Variants in GRIK2 observed in about 807,000 individuals in gnomAD.
GRIK2 encodes glutamate receptor ionotropic, kainate 2.
GRIK2 carries 32 observed loss-of-function variants against 100.3 expected under a neutral mutation model. That is an observed-to-expected ratio of 0.32 (90% CI 0.24 to 0.43). The LOEUF (loss-of-function observed/expected upper bound fraction) is 0.43, where lower values mean the gene tolerates loss of function less well. Ranked by LOEUF, GRIK2 falls within the 20% of genes least tolerant of loss-of-function variation. The pLI, the probability that GRIK2 is intolerant of heterozygous loss-of-function variation, is 1.00. For missense variants in GRIK2, 843 were observed against 1,114.9 expected (o/e 0.76, Z 3.47); for synonymous variants, 417 against 389.4 (o/e 1.07, Z -0.83).
chr6:101,464,473 A>G (rs1771508259), intron 2 of GRIK2, among the ~76,000 whole-genome samples: 2 of 137,654 alleles, frequency 1.5e-5, no homozygotes, highest in South Asian at 2.4e-4. Flanking sequence ...GCTTCATTAT[A>G]ATTTTTACCT....
intron 12 of GRIK2, among the ~76,000 whole-genome samples, chr6:101,913,055 G>C (rs1234060962): frequency 1.3e-5 from 2 of 151,572 alleles, no homozygotes; most frequent in East Asian, 3.9e-4. Flanking sequence ...TCCATCAGTA[G>C]TTTAAATACA....
intron 2 of GRIK2, among the ~76,000 whole-genome samples, chr6:101,524,793 G>T (rs907834886): frequency 4.0e-5 from 6 of 150,010 alleles, no homozygotes; most frequent in Admixed American, 2.0e-4. Flanking sequence ...GTGCAATGGC[G>T]TGATCTTGGC....
At chr6:101,631,601 T>A (rs1232966947) in intron 4 of GRIK2, among the ~76,000 whole-genome samples, 2 of 152,192 alleles carry the variant, frequency 1.3e-5, no homozygotes, top group African/African-American at 2.4e-5. Context: ...TTATCTCCAG[T>A]GACTGGCTCT....
chr6:101,686,519 A>T (rs1412319410), intron 7 of GRIK2, among the ~76,000 whole-genome samples, 166 bp downstream of exon 7: 1 of 152,122 alleles, frequency 6.6e-6, no homozygotes, highest in Admixed American at 6.6e-5. Flanking sequence ...AATTTTTTTA[A>T]ATCAATTTTA....
intron 10 of GRIK2, among the ~76,000 whole-genome samples, chr6:101,856,703 G>A (rs991689623): frequency 6.6e-6 from 1 of 152,174 alleles, no homozygotes; most frequent in African/African-American, 2.4e-5. Flanking sequence ...GGGTCTTTAT[G>A]TGATCGAAGA....
chr6:101,639,693 T>C (rs1234319643), intron 4 of GRIK2, among the ~76,000 whole-genome samples: 1 of 152,182 alleles, frequency 6.6e-6, no homozygotes, highest in African/African-American at 2.4e-5. Flanking sequence ...TTACTTTGTT[T>C]TAAATATATA....
intron 2 of GRIK2, among the ~76,000 whole-genome samples, chr6:101,438,725 A>T (rs1404881397): frequency 6.6e-6 from 1 of 152,128 alleles, no homozygotes; most frequent in Non-Finnish European, 1.5e-5. Context: ...GTCAAGTATG[A>T]TTAGTATTTC....
At chr6:101,405,093 A>G (rs1307122933) in intron 2 of GRIK2, among the ~76,000 whole-genome samples, 3 of 152,204 alleles carry the variant, frequency 2.0e-5, no homozygotes, top group African/African-American at 7.2e-5. Flanking sequence ...CAAGAATTTT[A>G]ATGGTCCATT....
chr6:101,925,226 C>T (rs1428764400), intron 13 of GRIK2, among the ~76,000 whole-genome samples: 1 of 152,062 alleles, frequency 6.6e-6, no homozygotes, highest in East Asian at 1.9e-4. Context: ...AAAATATTAG[C>T]TGCATTTGAT....
chr6:101,726,198 A>G (rs535287188), intron 7 of GRIK2, among the ~76,000 whole-genome samples: 92 of 152,136 alleles, frequency 6.0e-4, no homozygotes, highest in African/African-American at 2.2e-3. Flanking sequence ...TTATGCAAAC[A>G]GTGTCCAGAG....
At chr6:102,023,871 G>C (rs942434971) in intron 14 of GRIK2, among the ~76,000 whole-genome samples, 1 of 151,324 alleles carries the variant, frequency 6.6e-6, no homozygotes, top group African/African-American at 2.4e-5. Flanking sequence ...TTATATCATG[G>C]AAAAATCATC....
intron 2 of GRIK2, among the ~76,000 whole-genome samples, chr6:101,452,605 C>T (rs1432887035): frequency 1.3e-5 from 2 of 151,726 alleles, no homozygotes; most frequent in Non-Finnish European, 2.9e-5. Flanking sequence ...ATGATACATA[C>T]AAAGATATGT....
At chr6:102,000,702 T>A (rs1450191951) in intron 14 of GRIK2, among the ~76,000 whole-genome samples, 5 of 152,146 alleles carry the variant, frequency 3.3e-5, no homozygotes, top group Non-Finnish European at 4.4e-5. Flanking sequence ...TTAGTATTTT[T>A]AAAAATATAT....
chr6:101,564,876 C>G (rs947843673), intron 2 of GRIK2, among the ~76,000 whole-genome samples: 4 of 152,124 alleles, frequency 2.6e-5, no homozygotes, highest in African/African-American at 9.7e-5. Context: ...ATGTTACACT[C>G]TGCCAATACA....
intron 14 of GRIK2, among the ~76,000 whole-genome samples, chr6:102,024,543 TG>T (rs1468262016): frequency 1.3e-5 from 2 of 151,212 alleles, no homozygotes; most frequent in Non-Finnish European, 3.0e-5. Flanking sequence ...TAATATTGAA[TG>T]GTTCGAACCT....
In GRIK2 at chr6:102,069,415, T is replaced by C. The variant is rs1006532416; in HGVS notation, c.*904T>C. ...TCAAGTTGTAAAAACTGGCCGAGTA[T>C]TGGCTGTGTGGAAGACTAAAGCTTT... On this transcript the variant is annotated 3_prime_UTR_variant, in exon 17 of 17. Coordinates refer to ENST00000369134, the MANE Select transcript of GRIK2 (RefSeq NM_021956.5). 2.0e-5 allele frequency: 3 copies of C among 151,586 alleles called. No individual in the cohort carries two copies. Among genetic ancestry groups the C allele is most frequent in the Non-Finnish European group, 4.4e-5 (3 of 67,860 alleles). 9.4% of individuals were successfully genotyped at this position (151,586 alleles called of 1,614,324 possible). A position where few individuals can be genotyped will look rare whatever the true frequency, so the allele number is the denominator to read the frequency against.
At position 101,680,029 on chromosome 6, in the gene GRIK2, C is replaced by T. The variant is rs372655129; in HGVS notation, c.724-2524C>T. On this transcript the variant is annotated intron_variant, in intron 5 of 16. Transcript: ENST00000369134. ...CTGGGATTACAGGCATGAGCCACCG[C>T]GCCTGGCCTCCCAGCGTTTTCTACG... Among the ~76,000 whole-genome samples, 25 of 152,236 alleles carry T rather than the reference C, an allele frequency of 1.6e-4. No homozygotes were observed. In the South Asian group the frequency reaches 5.2e-3, roughly 32 times the overall value.
chr6:101,699,473 TCTGAGA>T (rs1772729646), intron 7 of GRIK2, among the ~76,000 whole-genome samples: 1 of 152,106 alleles, frequency 6.6e-6, no homozygotes, highest in Admixed American at 6.6e-5. Context: ...CCAGCTCTTC[TCTGAGA>T]CTATCAGGCC....
chr6:101,513,070 C>T (rs1774399890), intron 2 of GRIK2, among the ~76,000 whole-genome samples: 1 of 151,726 alleles, frequency 6.6e-6, no homozygotes, highest in African/African-American at 2.4e-5. Context: ...TGACCATGGC[C>T]CATGACGCAG....
Sources: gnomAD v4.1 joint callset for allele counts (sites outside exome capture counted in the v4.1 genomes callset) on GRCh38, gnomAD v4.1.1 for gene constraint, MANE v1.5 for transcripts, NCBI Gene and HGNC (gene_info 2026-07-23, HGNC 2026-07-21) for gene names.